CNTRL: variants seen among roughly 807,000 people sequenced by gnomAD.
CNTRL encodes centriolin, also known as 110 kDa centrosomal protein.
CNTRL carries 233 observed loss-of-function variants against 303.7 expected under a neutral mutation model. The ratio of observed to expected loss-of-function variants is 0.77; its 90% CI spans 0.69 to 0.86. The LOEUF is 0.86. Among genes scored for constraint, CNTRL ranks in the 40% least tolerant of loss-of-function variants. The pLI is 0.00. For missense variants in CNTRL, 2,524 were observed against 2,650.6 expected (o/e 0.95, Z 1.05); for synonymous variants, 900 against 922.2 (o/e 0.98, Z 0.44).
chr9:121,159,810 T>G (rs1225975792), intron 31 of CNTRL, among the ~76,000 whole-genome samples: 5 of 152,180 alleles, frequency 3.3e-5, no homozygotes, highest in Non-Finnish European at 1.5e-5. Context: ...CCTTTTGTGA[T>G]CATGTTTATC....
At position 121,147,159 on chromosome 9, in the gene CNTRL, C is replaced by T. The variant is rs147945822; in HGVS notation, c.3459+903C>T. Among the ~76,000 whole-genome samples, 39 of 152,218 alleles carry T rather than the reference C, an allele frequency of 2.6e-4. No homozygotes were observed. The East Asian group carries it at 5.6e-3, about 22-fold the overall frequency. The stretch of plus-strand genomic sequence containing the variant: ...CTGGGATTATAGGCATGCGCCACCA[C>T]GCCTGGCTAATTTTTAGATTTTTAG... On this transcript the variant is annotated intron_variant, in intron 23 of 43. Coordinates refer to ENST00000373855, the MANE Select transcript of CNTRL (RefSeq NM_007018.6).
chr9:121,170,053 C>T (rs936562847), intron 39 of CNTRL, among the ~76,000 whole-genome samples: 2 of 152,130 alleles, frequency 1.3e-5, no homozygotes, highest in Admixed American at 6.5e-5. Context: ...TGTGAACAGC[C>T]ATTATCAGCA....
Position 121,098,586 on chromosome 9 carries a change from T to TA in CNTRL, c.808+20dup. 1.3e-6 allele frequency: 2 copies of TA among 1,509,492 alleles called. No homozygotes were observed. Among genetic ancestry groups the TA allele is most frequent in the Non-Finnish European group, 1.8e-6 (2 of 1,117,856 alleles). 93.5% of individuals were successfully genotyped at this position (1,509,492 alleles called of 1,614,324 possible). A position where few individuals can be genotyped will look rare whatever the true frequency, so the allele number is the denominator to read the frequency against. ...GATTCAGTTTAGGTAAGATTAAATT[T>TA]AAAAAATAATAAATTTGGGTGAGGG... On this transcript the variant is annotated intron_variant, in intron 7 of 43. Transcript: ENST00000373855.
chr9:121,108,021 G>A (rs751673699), intron 8 of CNTRL, 26 bp downstream of exon 8: 1 of 1,486,180 alleles, frequency 6.7e-7, no homozygotes, highest in Non-Finnish European at 9.1e-7. Flanking sequence ...ACATTGCTTT[G>A]GCTGTATTCT....
At chr9:121,174,961 C>T (rs2053459014) in intron 42 of CNTRL, 57 bp from the exon 43 acceptor site, 19 of 1,469,500 alleles carry the variant, frequency 1.3e-5, no homozygotes, top group Middle Eastern at 1.7e-4. Context: ...GGAAGCTGAG[C>T]GGCAGTTCTG....
chr9:121,168,219 G>A lies in CNTRL; in HGVS notation c.5968G>A (p.Asp1990Asn), dbSNP rs774105781. 9.3e-6 allele frequency: 15 copies of A among 1,614,112 alleles called. No individual in the cohort carries two copies. In the Admixed American group the frequency reaches 1.7e-4, roughly 18 times the overall value. Residue 1990 changes from aspartate to asparagine, a missense_variant, in exon 38 of 44, where the codon GAC becomes AAC. Transcript: ENST00000373855. The stretch of plus-strand genomic sequence containing the variant: ...ATTAACAGACCAGAAAAGCAAACTG[G>A]ACCAAGTGCTCTCAAAGGTGCTGGC... ...KELTDQKSKL[D>N]QVLSKVLAAE...
Position 121,168,076 on chromosome 9 carries a change from C to T in CNTRL, c.5845-20C>T. 1.3e-6 allele frequency: 2 copies of T among 1,582,182 alleles called. No homozygotes were observed. Among genetic ancestry groups the T allele is most frequent in the Non-Finnish European group, 1.7e-6 (2 of 1,156,918 alleles). On this transcript the variant is annotated intron_variant, in intron 37 of 43. Coordinates refer to ENST00000373855, the MANE Select transcript of CNTRL (RefSeq NM_007018.6). ...CACTATTTGTTGTTTAATGACTAAT[C>T]AAGATTATTCTTTATTAAGATGTTT...
intron 10 of CNTRL, 97 bp from the exon 11 acceptor site, chr9:121,114,994 G>A: frequency 1.5e-6 from 1 of 685,176 alleles, no homozygotes; most frequent in Non-Finnish European, 2.5e-6. Flanking sequence ...ATAGAGCAGG[G>A]AGAAGGTTAT....
chr9:121,119,081 TGTG>T (rs2050109279), intron 12 of CNTRL, among the ~76,000 whole-genome samples: 1 of 21,414 alleles, frequency 4.7e-5, no homozygotes, highest in Non-Finnish European at 1.7e-4. Context: ...CATAAATATA[TGTG>T]TGTGTGTGTG....
intron 7 of CNTRL, among the ~76,000 whole-genome samples, chr9:121,106,241 A>T (rs1414938985): frequency 6.6e-6 from 1 of 151,126 alleles, no homozygotes; most frequent in Non-Finnish European, 1.5e-5. Context: ...TGGGAAGCTG[A>T]GAGAAGAGAA....
chr9:121,094,642 A>G (rs1245865105), intron 4 of CNTRL, among the ~76,000 whole-genome samples: 2 of 152,222 alleles, frequency 1.3e-5, no homozygotes, highest in African/African-American at 4.8e-5. Flanking sequence ...CTTGTTGGAT[A>G]GTCTTGAGCT....
At chr9:121,102,819 T>C (rs1049460235) in intron 7 of CNTRL, among the ~76,000 whole-genome samples, 13 of 151,974 alleles carry the variant, frequency 8.6e-5, no homozygotes, top group Admixed American at 2.6e-4. Context: ...GAGAATAAAA[T>C]ACCTAGGAAT....
chr9:121,092,960 C>A (rs994937421), intron 4 of CNTRL, among the ~76,000 whole-genome samples: 1 of 149,208 alleles, frequency 6.7e-6, no homozygotes, highest in Admixed American at 6.8e-5. Context: ...GCACGTGCTA[C>A]GACGCCCAGC....
At position 121,107,871 on chromosome 9, in the gene CNTRL, A is replaced by T. The variant is rs1225493348; in HGVS notation, c.878A>T (p.Gln293Leu). 1.9e-6 allele frequency: 3 copies of T among 1,609,794 alleles called. No individual in the cohort carries two copies. In the Admixed American group the frequency reaches 5.1e-5, roughly 27 times the overall value. The change falls in exon 8 of 44, where the codon CAA becomes CTA. Residue 293 changes from glutamine to leucine, a missense_variant. By Grantham distance (113) the Gln-to-Leu change is moderately radical. Transcript: ENST00000373855. ...GAAACTGAAGAGCTTAAGAGCAAAC[A>T]AACAAGGTTCCTTGAGGAAATTAAA... The part of the protein sequence containing the change: ...MIETEELKSK[Q>L]TRFLEEIKNQ...
At chr9:121,089,686 G>A (rs2048481067) in intron 3 of CNTRL, among the ~76,000 whole-genome samples, 1 of 152,132 alleles carries the variant, frequency 6.6e-6, no homozygotes, top group African/African-American at 2.4e-5. Context: ...AAACAACTAA[G>A]TATTACCAGT....
At chr9:121,129,758 ATTGGCTGTGGGTTTG>A (rs1564244833) in intron 14 of CNTRL, among the ~76,000 whole-genome samples, 1 of 152,126 alleles carries the variant, frequency 6.6e-6, no homozygotes, top group South Asian at 2.1e-4. Flanking sequence ...TCAGTATGAT[ATTGGCTGTGGGTTTG>A]TCATAAATAG....
chr9:121,145,350 C>T lies in CNTRL; in HGVS notation c.3275C>T (p.Ala1092Val), dbSNP rs368245631. ...ATGGAACGACAAAGGACAGAGATTG[C>T]AAGGCTGCAGAATGTACTAGACCTC... ...ETMERQRTEI[A>V]RLQNVLDLTG... The change falls in exon 22 of 44, where the codon GCA becomes GTA. Residue 1092 changes from alanine to valine, a missense_variant. By Grantham distance (64) the Ala-to-Val change is moderately conservative. Coordinates refer to ENST00000373855, the MANE Select transcript of CNTRL (RefSeq NM_007018.6). 159 of 1,613,692 alleles carry T rather than the reference C, an allele frequency of 9.9e-5. No homozygotes were observed. Among genetic ancestry groups the T allele is most frequent in the Middle Eastern group, 1.6e-4 (1 of 6,082 alleles).
In CNTRL at chr9:121,150,274, G is replaced by C. The variant is rs774666482; in HGVS notation, c.3754G>C (p.Asp1252His). 1.2e-6 allele frequency: 2 copies of C among 1,614,048 alleles called. No homozygotes were observed. Among genetic ancestry groups the C allele is most frequent in the Non-Finnish European group, 1.7e-6 (2 of 1,180,032 alleles). Residue 1252 changes from aspartate (D) to histidine (H), a missense_variant, in exon 25 of 44, where the codon GAT becomes CAT. Transcript: ENST00000373855. ...PGYMMYTVLP[D>H]GSPVPQGMAL... Reference sequence around the variant, plus strand: ...ATACATGATGTATACTGTGCTTCCTGATGGTTCTCCTGTACCCCAGGGCAT... The same window carrying C: ...ATACATGATGTATACTGTGCTTCCTCATGGTTCTCCTGTACCCCAGGGCAT...
chr9:121,171,272 G>A, intron 39 of CNTRL, 136 bp from the exon 40 acceptor site: 1 of 899,990 alleles, frequency 1.1e-6, no homozygotes, highest in Non-Finnish European at 1.8e-6. Flanking sequence ...AAGGCCGATA[G>A]AATTATCCCC....
Sources: allele counts gnomAD v4.1 joint callset (sites outside exome capture counted in the v4.1 genomes callset), GRCh38; gene constraint gnomAD v4.1.1; transcripts MANE v1.5; gene names NCBI Gene and HGNC (gene_info 2026-07-23, HGNC 2026-07-21).